The following KIF26B variants were observed in gnomAD, a reference collection of about 807,000 sequenced individuals.
KIF26B encodes the protein kinesin family member 26B, also known as kinesin-like protein KIF26B.
A neutral mutation model predicts 151.2 loss-of-function variants in KIF26B; 63 were observed. The observed-to-expected ratio is 0.42, with a 90% CI of 0.34 to 0.51. The LOEUF (loss-of-function observed/expected upper bound fraction) is 0.51. Ranked by LOEUF, KIF26B falls within the 20% of genes least tolerant of loss-of-function variation. The pLI is 0.07. For synonymous variants in KIF26B, 1,357 were observed against 1,262.1 expected (o/e 1.08, Z -1.59); for missense variants, 2,813 against 2,913.6 (o/e 0.97, Z 0.79).
chr1:245,636,905 T>C (rs2043840481), intron 9 of KIF26B, among the ~76,000 whole-genome samples: 1 of 151,902 alleles, frequency 6.6e-6, no homozygotes, highest in Non-Finnish European at 1.5e-5. Context: ...ATTTTCTTTA[T>C]TAATTTACCC....
At chr1:245,350,621 C>T (rs531047930) in intron 2 of KIF26B, among the ~76,000 whole-genome samples, 3 of 152,096 alleles carry the variant, frequency 2.0e-5, no homozygotes, top group African/African-American at 2.4e-5. Context: ...AGCTGCATCC[C>T]AAGTGTTTTT....
chr1:245,611,391 C>CT (rs2043519725), intron 8 of KIF26B, among the ~76,000 whole-genome samples: 1 of 152,182 alleles, frequency 6.6e-6, no homozygotes. Flanking sequence ...TCCAAACAAT[C>CT]TAATCTTTGG....
chr1:245,599,903 G>C (rs1277656170), intron 5 of KIF26B, among the ~76,000 whole-genome samples: 1 of 152,030 alleles, frequency 6.6e-6, no homozygotes, highest in Non-Finnish European at 1.5e-5. Context: ...TGTGGGATTT[G>C]ACTGTGTTTT....
intron 4 of KIF26B, among the ~76,000 whole-genome samples, chr1:245,483,510 G>T (rs1660212507): frequency 6.6e-6 from 1 of 151,904 alleles, no homozygotes; most frequent in South Asian, 2.1e-4. Flanking sequence ...TTAACAGCTG[G>T]TGTTGGGGGA....
chr1:245,156,357 G>A lies in KIF26B; in HGVS notation c.139G>A (p.Glu47Lys), dbSNP rs1326046111. 2 of 1,545,718 alleles carry A rather than the reference G, an allele frequency of 1.3e-6. No individual in the cohort carries two copies. The highest frequency in any genetic ancestry group is 1.7e-6 in the Non-Finnish European group (2 of 1,145,234). The change falls in exon 2 of 15, where the codon GAG becomes AAG. Residue 47 changes from glutamate (E) to lysine (K), a missense_variant. Physicochemically the swap from Glu to Lys is moderately conservative, Grantham distance 56 (BLOSUM62 1). Coordinates refer to ENST00000407071, the MANE Select transcript of KIF26B (RefSeq NM_018012.4). Reference sequence around the variant, plus strand: ...AAGCTGGTACCGGAAAGCATACGAGGAGTCGCGCGCCGGCAGCCGGCCCAC... The same window carrying A: ...AAGCTGGTACCGGAAAGCATACGAGAAGTCGCGCGCCGGCAGCCGGCCCAC... ...PESWYRKAYE[E>K]SRAGSRPTPE...
At position 245,382,562 on chromosome 1, in the gene KIF26B, C is replaced by T. The variant is rs79947407; in HGVS notation, c.999+15195C>T. Among the ~76,000 whole-genome samples the T allele has an allele frequency of 5.3e-5, 6 of 113,796 alleles. No individual in the cohort carries two copies. The East Asian group carries it at 1.3e-3, about 24-fold the overall frequency. 74.7% of individuals were successfully genotyped at this position (113,796 alleles called of 152,430 possible). The stretch of plus-strand genomic sequence containing the variant: ...GTGTGTGTGTGTGTGTGTTTTGTTT[C>T]TTGTTTTGTTTTGTTTTGTTTTTGA... On this transcript the variant is annotated intron_variant, in intron 3 of 14. Transcript: ENST00000407071.
At chr1:245,609,184 A>G (rs1261023068) in intron 7 of KIF26B, 82 bp from the exon 8 acceptor site, 1 of 1,307,494 alleles carries the variant, frequency 7.6e-7, no homozygotes, top group Non-Finnish European at 1.0e-6. Context: ...TTTCTTCTAT[A>G]TCCTTGGCAT....
chr1:245,360,168 C>T (rs144596446), intron 2 of KIF26B, among the ~76,000 whole-genome samples: 5 of 152,060 alleles, frequency 3.3e-5, no homozygotes, highest in Non-Finnish European at 7.4e-5. Flanking sequence ...CCACTGCACC[C>T]GGGCTGATTT....
intron 3 of KIF26B, among the ~76,000 whole-genome samples, chr1:245,404,556 A>G (rs188800474): frequency 1.3e-5 from 2 of 152,346 alleles, no homozygotes; most frequent in East Asian, 1.9e-4. Flanking sequence ...ACAAGTGGAA[A>G]GTATAGCCAA....
intron 4 of KIF26B, among the ~76,000 whole-genome samples, chr1:245,521,286 G>A (rs557402045): frequency 6.0e-5 from 9 of 151,186 alleles, no homozygotes; most frequent in African/African-American, 2.0e-4. Flanking sequence ...GCAGTGAGCC[G>A]AGATCGCACC....
intron 5 of KIF26B, among the ~76,000 whole-genome samples, chr1:245,569,927 ATTTTT>A (rs869238168): frequency 6.3e-5 from 3 of 47,652 alleles, no homozygotes; most frequent in African/African-American, 2.6e-4. Flanking sequence ...TAAATAGAGA[ATTTTT>A]TTTTTTTTTT....
intron 2 of KIF26B, among the ~76,000 whole-genome samples, chr1:245,242,918 G>A (rs1171661998): frequency 6.9e-6 from 1 of 144,922 alleles, no homozygotes; most frequent in East Asian, 1.9e-4. Flanking sequence ...CCAAAGTGCT[G>A]GGATTACAGG....
intron 3 of KIF26B, among the ~76,000 whole-genome samples, chr1:245,418,952 A>G (rs568270308): frequency 1.7e-4 from 26 of 152,378 alleles, no homozygotes; most frequent in Admixed American, 1.4e-3. Context: ...GAAGCCATTT[A>G]TCTTAATGAA....
chr1:245,487,048 C>T (rs973403779), intron 4 of KIF26B, among the ~76,000 whole-genome samples: 2 of 152,150 alleles, frequency 1.3e-5, no homozygotes, highest in Non-Finnish European at 2.9e-5. Flanking sequence ...AGTAAACCTT[C>T]ATGGCTCCCT....
intron 2 of KIF26B, among the ~76,000 whole-genome samples, chr1:245,210,163 ACT>A (rs1669488246): frequency 6.6e-6 from 1 of 151,782 alleles, no homozygotes; most frequent in Admixed American, 6.6e-5. Flanking sequence ...TCACAGCATG[ACT>A]CTCTCCCAGT....
At chr1:245,661,234 T>C (rs1465979547) in intron 10 of KIF26B, among the ~76,000 whole-genome samples, 1 of 151,980 alleles carries the variant, frequency 6.6e-6, no homozygotes. Flanking sequence ...ATCCACTCCC[T>C]GCCTCAGCCT....
intron 2 of KIF26B, among the ~76,000 whole-genome samples, chr1:245,181,874 C>T (rs1272689207): frequency 2.6e-5 from 4 of 152,078 alleles, no homozygotes; most frequent in Admixed American, 6.6e-5. Flanking sequence ...CTAATGCTAG[C>T]TAATGCTAAT....
chr1:245,229,271 C>A (rs115483099), intron 2 of KIF26B, among the ~76,000 whole-genome samples: 1 of 152,082 alleles, frequency 6.6e-6, no homozygotes, highest in Non-Finnish European at 1.5e-5. Flanking sequence ...CGCCCCCTGC[C>A]GGATTTATCT....
chr1:245,268,860 A>C (rs1478453233), intron 2 of KIF26B, among the ~76,000 whole-genome samples: 1 of 152,172 alleles, frequency 6.6e-6, no homozygotes, highest in African/African-American at 2.4e-5. Flanking sequence ...TTCAGTGCTA[A>C]AACTGGGACA....
Sources: allele counts gnomAD v4.1 joint callset (sites outside exome capture counted in the v4.1 genomes callset), GRCh38; gene constraint gnomAD v4.1.1; transcripts MANE v1.5; gene names NCBI Gene and HGNC (gene_info 2026-07-23, HGNC 2026-07-21).